NTNG1: variants seen among roughly 807,000 people sequenced by gnomAD.
NTNG1 encodes netrin-G1.
A neutral mutation model predicts 54.0 loss-of-function variants in NTNG1; 16 were observed. The observed-to-expected ratio is 0.30, with a 90% CI of 0.20 to 0.45. The LOEUF is 0.45. Among genes scored for constraint, NTNG1 ranks in the 20% least tolerant of loss-of-function variants. The pLI is 1.00. For synonymous variants in NTNG1, 255 were observed against 263.1 expected (o/e 0.97, Z 0.30); for missense variants, 530 against 678.7 (o/e 0.78, Z 2.43).
In NTNG1 at chr1:107,156,133, A is replaced by C. The variant is rs546227443; in HGVS notation, c.246+7294A>C. On this transcript the variant is annotated intron_variant, in intron 2 of 7. Coordinates refer to ENST00000370068, the MANE Select transcript of NTNG1 (RefSeq NM_001113226.3). ...CTGTCGTAAAGTGACACGTGACTGTATTTGATTACCGTAATGTTTTCTATT... is the reference window on the plus strand; with the variant it reads ...CTGTCGTAAAGTGACACGTGACTGTCTTTGATTACCGTAATGTTTTCTATT... Among the ~76,000 whole-genome samples, 3 of 152,280 alleles carry C rather than the reference A, an allele frequency of 2.0e-5. No homozygotes were observed. In the East Asian group the frequency reaches 5.8e-4, roughly 29 times the overall value.
intron 3 of NTNG1, among the ~76,000 whole-genome samples, chr1:107,361,391 A>ATATATTT (rs370815306): frequency 1.2e-3 from 102 of 87,976 alleles, no homozygotes; most frequent in East Asian, 8.2e-3. Context: ...ATATATATAT[A>ATATATTT]TTTTTTTTTT....
intron 2 of NTNG1, among the ~76,000 whole-genome samples, chr1:107,206,919 G>A (rs6688152): frequency 0.91 from 138,702 of 152,112 alleles, 64,554 homozygotes; most frequent in Non-Finnish European, 1. Flanking sequence ...CGCTGGTGCA[G>A]TTGGATGGGA....
At chr1:107,208,928 G>C (rs1301944348) in intron 2 of NTNG1, among the ~76,000 whole-genome samples, 2 of 152,026 alleles carry the variant, frequency 1.3e-5, no homozygotes, top group Non-Finnish European at 2.9e-5. Flanking sequence ...ATTTATTTGT[G>C]AGATTACTTG....
At chr1:107,266,904 T>G (rs542778117) in intron 2 of NTNG1, among the ~76,000 whole-genome samples, 3 of 152,128 alleles carry the variant, frequency 2.0e-5, no homozygotes, top group Non-Finnish European at 4.4e-5. Flanking sequence ...AAGCTGTGGG[T>G]CTCATGTACA....
chr1:107,221,586 A>G (rs1660349916), intron 2 of NTNG1, among the ~76,000 whole-genome samples: 1 of 152,188 alleles, frequency 6.6e-6, no homozygotes, highest in Admixed American at 6.5e-5. Context: ...GCAAAGAAAG[A>G]GCAGTAGGAA....
rs1156562593 is a variant in NTNG1 at position 107,237,736 on chromosome 1, G to T, written c.247-86546G>T. 2.6e-5 allele frequency among the ~76,000 whole-genome samples: 4 copies of T among 152,310 alleles called. No individual in the cohort carries two copies. The East Asian group carries it at 7.7e-4, about 29-fold the overall frequency. ...TGGCTTGAGAGGGTTCAAACCCCAA[G>T]TCTTGGCAGCTTCCAAGTGGTGTTG... On this transcript the variant is annotated intron_variant, in intron 2 of 7. Coordinates refer to ENST00000370068, the MANE Select transcript of NTNG1 (RefSeq NM_001113226.3).
chr1:107,425,500 A>G (rs549242224), intron 5 of NTNG1, among the ~76,000 whole-genome samples: 2 of 152,286 alleles, frequency 1.3e-5, no homozygotes, highest in East Asian at 1.9e-4. Context: ...ATGTTGCTGC[A>G]AATGACATGA....
intron 3 of NTNG1, among the ~76,000 whole-genome samples, chr1:107,353,226 C>T (rs1311823160): frequency 1.3e-5 from 2 of 152,192 alleles, no homozygotes; most frequent in Non-Finnish European, 2.9e-5. Context: ...GCTTCCCTTT[C>T]AAATATGTGT....
At chr1:107,361,391 A>ATTT (rs1177736263) in intron 3 of NTNG1, among the ~76,000 whole-genome samples, 3,662 of 87,994 alleles carry the variant, frequency 0.042, 157 homozygotes, top group African/African-American at 0.064. Flanking sequence ...ATATATATAT[A>ATTT]TTTTTTTTTT....
intron 5 of NTNG1, among the ~76,000 whole-genome samples, chr1:107,419,213 C>T (rs1422396465): frequency 1.3e-5 from 2 of 149,644 alleles, no homozygotes; most frequent in Non-Finnish European, 3.0e-5. Context: ...TGTCTCCTCT[C>T]TCCCTCTCCC....
chr1:107,351,712 C>T (rs909249327), intron 3 of NTNG1, among the ~76,000 whole-genome samples: 1 of 152,188 alleles, frequency 6.6e-6, no homozygotes, highest in Non-Finnish European at 1.5e-5. Context: ...TATAATCATG[C>T]CTTCCCAGCA....
At chr1:107,182,696 G>A (rs1034677019) in intron 2 of NTNG1, among the ~76,000 whole-genome samples, 1 of 152,054 alleles carries the variant, frequency 6.6e-6, no homozygotes, top group African/African-American at 2.4e-5. Context: ...AGCTGCACAG[G>A]AGACCCGATC....
At chr1:107,372,139 AT>A (rs965110825) in intron 3 of NTNG1, among the ~76,000 whole-genome samples, 59 of 151,850 alleles carry the variant, frequency 3.9e-4, no homozygotes, top group Middle Eastern at 3.4e-3. Context: ...GGTTTCATTG[AT>A]TTTTTTATTA....
rs1553191000 is a variant in NTNG1, at chr1:107,148,815, C to A, written c.222C>A (p.Asp74Glu). ...ATCCTCCGGATATTACCTGTGGAGACCCTCCTGAGACGTTCTGTGCAATGG... is the reference window on the plus strand; with the variant it reads ...ATCCTCCGGATATTACCTGTGGAGAACCTCCTGAGACGTTCTGTGCAATGG... The part of the protein sequence containing the change: ...KLDPPDITCG[D>E]PPETFCAMGN... Residue 74 changes from aspartate (D) to glutamate (E), a missense_variant, in exon 2 of 8, where the codon GAC becomes GAA. Physicochemically the swap from Asp to Glu is conservative, Grantham distance 45. This residue lies in a region of NTNG1 where 318 missense variants were observed against 465.1 expected (regional missense o/e 0.68). Transcript: ENST00000370068. 1 of 1,613,554 alleles carries A rather than the reference C, an allele frequency of 6.2e-7. No individual in the cohort carries two copies. Among genetic ancestry groups the A allele is most frequent in the African/African-American group, 1.3e-5 (1 of 75,020 alleles).
chr1:107,423,797 G>T (rs1487452868), intron 5 of NTNG1, among the ~76,000 whole-genome samples: 1 of 151,992 alleles, frequency 6.6e-6, no homozygotes, highest in Non-Finnish European at 1.5e-5. Flanking sequence ...CTTGTTCTGT[G>T]GCTACTGTTT....
intron 2 of NTNG1, among the ~76,000 whole-genome samples, chr1:107,190,340 A>T (rs1657806720): frequency 6.6e-6 from 1 of 152,184 alleles, no homozygotes; most frequent in Non-Finnish European, 1.5e-5. Flanking sequence ...TACCACAATT[A>T]AAAACAAAAC....
chr1:107,462,644 T>C (rs1187819256), intron 7 of NTNG1, among the ~76,000 whole-genome samples: 1 of 152,214 alleles, frequency 6.6e-6, no homozygotes, highest in African/African-American at 2.4e-5. Context: ...GAAGCCAAAC[T>C]ATGTAGAGGC....
intron 2 of NTNG1, among the ~76,000 whole-genome samples, chr1:107,250,291 A>C (rs985936315): frequency 6.6e-6 from 1 of 152,234 alleles, no homozygotes; most frequent in Non-Finnish European, 1.5e-5. Flanking sequence ...CACCAAATTC[A>C]GGATGGTGGT....
intron 2 of NTNG1, among the ~76,000 whole-genome samples, chr1:107,218,005 C>T (rs963387697): frequency 1.3e-4 from 20 of 152,088 alleles, no homozygotes; most frequent in African/African-American, 4.6e-4. Flanking sequence ...TTGTTGTTGA[C>T]TTTCTGACTT....
Sources: gnomAD v4.1 joint callset for allele counts (sites outside exome capture counted in the v4.1 genomes callset) on GRCh38, gnomAD v4.1.1 for gene constraint, gnomAD v4.1.1 regional missense constraint, MANE v1.5 for transcripts, NCBI Gene and HGNC (gene_info 2026-07-23, HGNC 2026-07-21) for gene names.